PRPF31: variants seen among roughly 807,000 people sequenced by gnomAD.
The protein encoded by PRPF31 is U4/U6 small nuclear ribonucleoprotein Prp31.
Under a neutral mutation model 60.4 loss-of-function variants are expected in PRPF31, and 12 were observed. The ratio of observed to expected loss-of-function variants is 0.20; its 90% CI spans 0.13 to 0.32. The LOEUF is 0.32. Among genes scored for constraint, PRPF31 ranks in the 10% least tolerant of loss-of-function variants. The pLI, the probability that PRPF31 is intolerant of heterozygous loss-of-function variation, is 1.00. For missense variants in PRPF31, 431 were observed against 687.1 expected (o/e 0.63, Z 4.17); for synonymous variants, 287 against 287.9 (o/e 1.00, Z 0.03).
At chr19:54,125,092 C>G (rs1327241146) in intron 8 of PRPF31, 1 of 285,062 alleles carries the variant, frequency 3.5e-6, no homozygotes, top group Non-Finnish European at 6.9e-6. Flanking sequence ...TGGGGAGAGA[C>G]ACACAGGAGG....
At chr19:54,118,193 G>A (rs995635633) in intron 1 of PRPF31, 78 bp from the exon 2 acceptor site, 4 of 1,599,892 alleles carry the variant, frequency 2.5e-6, no homozygotes, top group Admixed American at 1.7e-5. Flanking sequence ...AGGGTCTTCT[G>A]GGGGAGAATC....
chr19:54,125,342 A>G (rs2146429925), intron 8 of PRPF31: 1 of 154,218 alleles, frequency 6.5e-6, no homozygotes, highest in Non-Finnish European at 1.4e-5. Context: ...CAAAAATACA[A>G]AAAACTAGCT....
In PRPF31 at chr19:54,129,088, G is replaced by T. The variant is rs973124592; in HGVS notation, c.1178G>T (p.Gly393Val). The change falls in exon 12 of 14, where the codon GGA becomes GTA. Residue 393 changes from glycine (G) to valine (V), a missense_variant. By Grantham distance (109) the Gly-to-Val change is moderately radical. Transcript: ENST00000321030. Reference sequence around the variant, plus strand: ...GAGGACGCCTACCAGGAGGACCTGGGATTCAGCCTGGGCCACCTGGGCAAG... The same window carrying T: ...GAGGACGCCTACCAGGAGGACCTGGTATTCAGCCTGGGCCACCTGGGCAAG... ...IEEDAYQEDL[G>V]FSLGHLGKSG... 6.3e-7 allele frequency: 1 copy of T among 1,579,228 alleles called. No individual in the cohort carries two copies. The highest frequency in any genetic ancestry group is 8.6e-7 in the Non-Finnish European group (1 of 1,163,556).
chr19:54,128,000 G>T (rs1164638350), intron 9 of PRPF31, 73 bp from the exon 10 acceptor site: 2 of 1,544,742 alleles, frequency 1.3e-6, no homozygotes, highest in Non-Finnish European at 1.7e-6. Flanking sequence ...GATACTCGGG[G>T]GGCCCGCTCA....
rs1314432541 is a variant in PRPF31 at position 54,131,428 on chromosome 19, C to T, written c.1496C>T (p.Thr499Ile). 10 of 1,613,972 alleles carry T rather than the reference C, an allele frequency of 6.2e-6. No individual in the cohort carries two copies. Among genetic ancestry groups the T allele is most frequent in the Admixed American group, 3.3e-5 (2 of 60,006 alleles). The change falls in exon 14 of 14, where the codon ACC becomes ATC. Residue 499 changes from threonine (T) to isoleucine (I), a missense_variant. Thr to Ile is a moderately conservative substitution (Grantham distance 89). Coordinates refer to ENST00000321030, the MANE Select transcript of PRPF31 (RefSeq NM_015629.4). ...GGCGAGAAGAGTGGCCTTATGTCCACCTGAATGACTGCGTGTGTCCAAGGT... is the reference window on the plus strand; with the variant it reads ...GGCGAGAAGAGTGGCCTTATGTCCATCTGAATGACTGCGTGTGTCCAAGGT... The part of the protein sequence containing the change: ...VKGEKSGLMS[T>I]
Position 54,131,641 on chromosome 19 carries a change from A to T in PRPF31, c.*209A>T. On this transcript the variant is annotated 3_prime_UTR_variant, in exon 14 of 14. Transcript: ENST00000321030. The stretch of plus-strand genomic sequence containing the variant: ...CCAGTATGGGCTAGAGCAGGTCTTC[A>T]TCATGCCTTGTCTTTTTTAACTGAG... 1.5e-6 allele frequency: 1 copy of T among 660,726 alleles called. No homozygotes were observed. The highest frequency in any genetic ancestry group is 2.6e-6 in the Non-Finnish European group (1 of 385,026). 40.9% of individuals were successfully genotyped at this position (660,726 alleles called of 1,614,324 possible). A position where few individuals can be genotyped will look rare whatever the true frequency, so the allele number is the denominator to read the frequency against.
At chr19:54,115,891 GTTTTTGTT>G (rs1219632622) in intron 1 of PRPF31, 94 bp downstream of exon 1, 9 of 184,978 alleles carry the variant, frequency 4.9e-5, no homozygotes, top group Admixed American at 4.4e-4. Context: ...TTACAGCTTG[GTTTTTGTT>G]TTTTTGTTGT....
At chr19:54,122,971 G>A in intron 5 of PRPF31, 2 of 465,814 alleles carry the variant, frequency 4.3e-6, no homozygotes, top group Admixed American at 3.4e-5. Flanking sequence ...AGGCGGGGAA[G>A]GAGGGGACGG....
At chr19:54,122,756 C>G in intron 5 of PRPF31, 162 bp downstream of exon 5, 1 of 712,170 alleles carries the variant, frequency 1.4e-6, no homozygotes, top group Non-Finnish European at 2.5e-6. Flanking sequence ...GGAGCCTGGA[C>G]AGGACTTTCT....
intron 1 of PRPF31, 143 bp from the exon 2 acceptor site, chr19:54,118,128 T>C: frequency 1.7e-6 from 2 of 1,199,440 alleles, no homozygotes; most frequent in Admixed American, 3.4e-5. Flanking sequence ...CAAAACAAAC[T>C]AAAGCACCTG....
At chr19:54,128,284 C>T (rs967350234) in intron 10 of PRPF31, 21 bp from the exon 11 acceptor site, 64 of 1,547,502 alleles carry the variant, frequency 4.1e-5, no homozygotes, top group Admixed American at 9.8e-5. Flanking sequence ...TCCCTGGCGC[C>T]GCCCACCCAC....
chr19:54,120,295 G>A (rs1435349147), intron 3 of PRPF31: 1 of 152,228 alleles, frequency 6.6e-6, no homozygotes, highest in Non-Finnish European at 1.5e-5. Context: ...GCTCAGGGAT[G>A]GAGTCAGACC....
chr19:54,118,540 G>A, intron 2 of PRPF31, 33 bp from the exon 3 acceptor site: 9 of 1,613,912 alleles, frequency 5.6e-6, no homozygotes, highest in Non-Finnish European at 7.6e-6. Context: ...TTTGAAGAGT[G>A]CTGGATTCTG....
In PRPF31 at chr19:54,124,696, G is replaced by A. The variant is rs76781318; in HGVS notation, c.855+40G>A. The A allele has an allele frequency of 0.096, 152,914 of 1,599,970 alleles. 7,993 individuals carry two copies. Among genetic ancestry groups the A allele is most frequent in the South Asian group, 0.11 (9,754 of 90,914 alleles). On this transcript the variant is annotated intron_variant, in intron 8 of 13. Coordinates refer to ENST00000321030, the MANE Select transcript of PRPF31 (RefSeq NM_015629.4). The stretch of plus-strand genomic sequence containing the variant: ...TCATGGCCCCTCCCCCGGCCCCCCT[G>A]GAGCCTTCCGCTGTGCCCAGACAGC...
chr19:54,121,679 G>C (rs2073792687), intron 3 of PRPF31, among the ~76,000 whole-genome samples, 181 bp from the exon 4 acceptor site: 2 of 152,174 alleles, frequency 1.3e-5, no homozygotes, highest in Admixed American at 1.3e-4. Flanking sequence ...TGTGGAGGGA[G>C]AGGGATTGAA....
chr19:54,118,952 C>G, intron 3 of PRPF31: 1 of 411,810 alleles, frequency 2.4e-6, no homozygotes, highest in Non-Finnish European at 4.3e-6. Context: ...CTATTATTTG[C>G]TTAACATATT....
At chr19:54,121,770 C>T in intron 3 of PRPF31, 90 bp from the exon 4 acceptor site, 2 of 1,304,072 alleles carry the variant, frequency 1.5e-6, no homozygotes, top group South Asian at 1.3e-5. Flanking sequence ...CCTGACCCCT[C>T]CCAACTTCAT....
At chr19:54,124,344 G>C (rs1222140604) in intron 7 of PRPF31, 155 bp from the exon 8 acceptor site, 1 of 786,814 alleles carries the variant, frequency 1.3e-6, no homozygotes, top group Non-Finnish European at 2.1e-6. Context: ...TTGCGGAATG[G>C]GCCAGGTCGC....
At chr19:54,129,963 A>T (rs1434108663) in intron 13 of PRPF31, among the ~76,000 whole-genome samples, 4 of 152,182 alleles carry the variant, frequency 2.6e-5, no homozygotes, top group Non-Finnish European at 5.9e-5. Context: ...CTGGGGATGA[A>T]GCAACGAATG....
Sources: gnomAD v4.1 joint callset for allele counts (sites outside exome capture counted in the v4.1 genomes callset) on GRCh38, gnomAD v4.1.1 for gene constraint, MANE v1.5 for transcripts, NCBI Gene and HGNC (gene_info 2026-07-23, HGNC 2026-07-21) for gene names.